LSAMP: variants seen among roughly 807,000 people sequenced by gnomAD.
The protein encoded by LSAMP is limbic system associated membrane protein.
In LSAMP, 7 loss-of-function variants were observed where a neutral mutation model predicts 38.6. That is an observed-to-expected ratio of 0.18 (90% CI 0.10 to 0.34). The LOEUF (loss-of-function observed/expected upper bound fraction) is 0.34, where lower values mean the gene tolerates loss of function less well. Ranked by LOEUF, LSAMP falls within the 10% of genes least tolerant of loss-of-function variation. The probability of loss-of-function intolerance (pLI) is 1.00; values close to 1 mark genes in which losing one functional copy is unlikely to be tolerated. For synonymous variants in LSAMP, 154 were observed against 166.8 expected, an observed-to-expected ratio of 0.92 and a Z score of 0.59; for missense variants, 313 against 420.0, an observed-to-expected ratio of 0.75 and a Z score of 2.23.
At chr3:116,426,139 C>T (rs2049192017) in intron 1 of LSAMP, among the ~76,000 whole-genome samples, 1 of 152,146 alleles carries the variant, frequency 6.6e-6, no homozygotes, top group African/African-American at 2.4e-5. Context: ...TAAACTCCAT[C>T]TCATTCACTG....
chr3:116,271,579 T>TAAAC (rs758241127), intron 1 of LSAMP, among the ~76,000 whole-genome samples: 14 of 152,150 alleles, frequency 9.2e-5, no homozygotes, highest in East Asian at 7.7e-4. Flanking sequence ...ATTTTGTTAA[T>TAAAC]AAACAGTTGG....
intron 1 of LSAMP, among the ~76,000 whole-genome samples, chr3:116,372,042 G>C (rs925204972): frequency 6.6e-6 from 1 of 151,932 alleles, no homozygotes; most frequent in Admixed American, 6.6e-5. Flanking sequence ...TAAGTAAATG[G>C]AAAGACATCT....
chr3:116,036,036 A>G (rs1427907172), intron 2 of LSAMP, among the ~76,000 whole-genome samples: 1 of 152,238 alleles, frequency 6.6e-6, no homozygotes, highest in Non-Finnish European at 1.5e-5. Context: ...GCTGCTACGT[A>G]ACAGAGGCAT....
At chr3:116,277,051 G>A (rs2047064308) in intron 1 of LSAMP, among the ~76,000 whole-genome samples, 1 of 152,158 alleles carries the variant, frequency 6.6e-6, no homozygotes, top group Non-Finnish European at 1.5e-5. Flanking sequence ...GGCAGTAGTG[G>A]CAGTAGGACA....
chr3:115,856,589 A>C (rs1437244330), intron 3 of LSAMP, among the ~76,000 whole-genome samples: 1 of 151,796 alleles, frequency 6.6e-6, no homozygotes, highest in African/African-American at 2.4e-5. Context: ...ACTGCACTCC[A>C]GCCTGGGTGA....
intron 1 of LSAMP, among the ~76,000 whole-genome samples, chr3:116,198,508 G>A (rs1177533864): frequency 6.6e-6 from 1 of 152,124 alleles, no homozygotes; most frequent in Non-Finnish European, 1.5e-5. Context: ...GGTGGCTCAC[G>A]CCTGTAATCC....
chr3:116,200,584 G>T (rs1013940447), intron 1 of LSAMP, among the ~76,000 whole-genome samples: 10 of 152,084 alleles, frequency 6.6e-5, no homozygotes, highest in African/African-American at 1.9e-4. Context: ...TAGCCCCCAG[G>T]GGCTTCAAAT....
chr3:115,908,181 C>T (rs911623198), intron 3 of LSAMP, among the ~76,000 whole-genome samples: 1 of 152,004 alleles, frequency 6.6e-6, no homozygotes, highest in South Asian at 2.1e-4. Context: ...CTGAGACCAA[C>T]ATTTATTAGG....
At position 115,810,402 on chromosome 3, in the gene LSAMP, A is replaced by G. The variant is rs761120346; in HGVS notation, c.932T>C (p.Val311Ala). The part of the protein sequence containing the change: ...ASLVLFRPGS[V>A]RGINGSISLA... The stretch of plus-strand genomic sequence containing the variant: ...ACTGATGGATCCATTTATTCCTCTC[A>G]CCGACCCAGGTCCTGCAGAGCAAAA... Residue 311 changes from valine to alanine, a missense_variant, in exon 7 of 7, where the codon GTG becomes GCG. Val to Ala is a moderately conservative substitution (Grantham distance 64). Transcript: ENST00000490035. 1.4e-5 allele frequency: 23 copies of G among 1,612,734 alleles called. No individual in the cohort carries two copies. The highest frequency in any genetic ancestry group is 2.0e-5 in the Non-Finnish European group (23 of 1,179,204).
intron 1 of LSAMP, among the ~76,000 whole-genome samples, chr3:116,285,651 G>C (rs1292376362): frequency 2.6e-5 from 4 of 151,956 alleles, no homozygotes; most frequent in African/African-American, 9.7e-5. Flanking sequence ...TTTCTCATTA[G>C]AATGTAAAAG....
intron 1 of LSAMP, among the ~76,000 whole-genome samples, chr3:116,378,564 AAATT>A (rs368245962): frequency 1.4e-4 from 21 of 152,238 alleles, no homozygotes; most frequent in African/African-American, 4.3e-4. Context: ...TCTTTACAAG[AAATT>A]AATTATTTCA....
chr3:115,879,628 C>A (rs767896844), intron 3 of LSAMP, among the ~76,000 whole-genome samples: 16 of 152,150 alleles, frequency 1.1e-4, no homozygotes, highest in Non-Finnish European at 2.1e-4. Context: ...GGGCAGGGTT[C>A]TTGTCCTTCA....
chr3:116,369,939 C>A (rs530657903), intron 1 of LSAMP: 21 of 152,682 alleles, frequency 1.4e-4, no homozygotes, highest in African/African-American at 5.1e-4. Flanking sequence ...AAGAATCCAA[C>A]CCTGGTGCCG....
chr3:116,368,263 A>C (rs547319569), intron 1 of LSAMP: 158 of 152,328 alleles, frequency 1.0e-3, no homozygotes, highest in African/African-American at 3.6e-3. Context: ...CAATGATTGA[A>C]GACTAAAGGT....
At chr3:116,217,724 G>A (rs1576439805) in intron 1 of LSAMP, among the ~76,000 whole-genome samples, 1 of 152,208 alleles carries the variant, frequency 6.6e-6, no homozygotes, top group East Asian at 1.9e-4. Flanking sequence ...GAGAAACTGA[G>A]AATTTGAAAA....
intron 2 of LSAMP, among the ~76,000 whole-genome samples, chr3:116,082,595 G>T (rs148937203): frequency 2.0e-5 from 3 of 152,210 alleles, no homozygotes; most frequent in Admixed American, 6.5e-5. Context: ...GCAAATGTTC[G>T]TTGCGGCACT....
At chr3:116,240,928 C>A (rs1348048821) in intron 1 of LSAMP, among the ~76,000 whole-genome samples, 1 of 152,138 alleles carries the variant, frequency 6.6e-6, no homozygotes, top group Non-Finnish European at 1.5e-5. Flanking sequence ...GTAATCCCAG[C>A]ACTTTGGGAG....
intron 2 of LSAMP, among the ~76,000 whole-genome samples, chr3:116,045,165 G>T (rs1025478011): frequency 1.3e-5 from 2 of 152,120 alleles, no homozygotes; most frequent in Non-Finnish European, 2.9e-5. Context: ...CAAAAGGATC[G>T]TCTAACCTAA....
intron 3 of LSAMP, among the ~76,000 whole-genome samples, chr3:115,985,421 G>A (rs548847761): frequency 1.3e-5 from 2 of 152,140 alleles, no homozygotes; most frequent in Admixed American, 6.6e-5. Context: ...ATGCTTAACC[G>A]AGTAAGCAGA....
Sources: allele counts gnomAD v4.1 joint callset (sites outside exome capture counted in the v4.1 genomes callset), GRCh38; gene constraint gnomAD v4.1.1; transcripts MANE v1.5; gene names NCBI Gene and HGNC (gene_info 2026-07-23, HGNC 2026-07-21).